The following DNAH8 variants were observed in gnomAD, a reference collection of about 807,000 sequenced individuals.
The protein encoded by DNAH8 is dynein axonemal heavy chain 8.
In DNAH8, 382 loss-of-function variants were observed where a neutral mutation model predicts 562.1. That is an observed-to-expected ratio of 0.68 (90% confidence interval 0.63 to 0.74). DNAH8 has a LOEUF of 0.74. DNAH8 is among the 30% of genes least tolerant of loss of function. DNAH8 has a pLI of 0.00. For missense variants in DNAH8, 5,203 were observed against 5,620.4 expected, an observed-to-expected ratio of 0.93 and a Z score of 2.37; for synonymous variants, 1,881 against 1,919.4, an observed-to-expected ratio of 0.98 and a Z score of 0.52.
In DNAH8 at chr6:38,883,435, C is replaced by T. The variant is rs905796336; in HGVS notation, c.8115C>T (p.Ala2705=). 1.2e-5 allele frequency: 19 copies of T among 1,610,372 alleles called. No homozygotes were observed. The highest frequency in any genetic ancestry group is 1.6e-5 in the Non-Finnish European group (19 of 1,178,490). ...QLSKSLNFSS[A]TEPMMFQRTI... ...CCAAAAGTCTAAACTTTTCATCTGC[C>T]ACAGAACCAATGATGTTTCAGGTGA... Residue 2705 remains alanine, a synonymous_variant, in exon 55 of 93, where the codon GCC becomes GCT. Coordinates refer to ENST00000327475, the MANE Select transcript of DNAH8 (RefSeq NM_001206927.2).
intron 82 of DNAH8, among the ~76,000 whole-genome samples, chr6:38,956,460 C>T (rs1338571441): frequency 1.3e-5 from 2 of 152,178 alleles, no homozygotes; most frequent in Non-Finnish European, 2.9e-5. Context: ...GAGACACACT[C>T]CCATCTGAAC....
At chr6:38,979,107 T>A (rs1435857374) in intron 85 of DNAH8, among the ~76,000 whole-genome samples, 1 of 152,222 alleles carries the variant, frequency 6.6e-6, no homozygotes, top group African/African-American at 2.4e-5. Flanking sequence ...GGATTTGTGT[T>A]CCTAGTTTTG....
intron 92 of DNAH8, 51 bp from the exon 93 acceptor site, chr6:39,030,054 A>G: frequency 6.8e-7 from 1 of 1,470,964 alleles, no homozygotes. Flanking sequence ...CTAATTTTGC[A>G]GCACCTAGTT....
At chr6:38,788,196 G>A (rs1583006790) in intron 18 of DNAH8, among the ~76,000 whole-genome samples, 1 of 151,208 alleles carries the variant, frequency 6.6e-6, no homozygotes, top group East Asian at 1.9e-4. Context: ...TCTGTTGCCA[G>A]GCTGGAGTGC....
intron 65 of DNAH8, among the ~76,000 whole-genome samples, chr6:38,910,515 G>A (rs1290451070): frequency 6.6e-6 from 1 of 152,000 alleles, no homozygotes; most frequent in African/African-American, 2.4e-5. Flanking sequence ...TTTTAGATAA[G>A]ATCTCCCAAA....
rs1413235112 is a variant in DNAH8, at chr6:38,814,156, T to G, written c.3333+27T>G. 8 of 1,258,304 alleles carry G rather than the reference T, an allele frequency of 6.4e-6. 1 individual carries two copies. The allele number at this position is 1,258,304 out of a possible 1,614,324, so 77.9% of individuals were successfully genotyped here. A position where few individuals can be genotyped will look rare whatever the true frequency, so the allele number is the denominator to read the frequency against. ...TAAGTATTATTAAATACACTGATAA[T>G]TTGATAAGGTGCTTAAGAAGTATAG... On this transcript the variant is annotated intron_variant, in intron 25 of 92. Transcript: ENST00000327475.
intron 91 of DNAH8, among the ~76,000 whole-genome samples, chr6:39,013,939 G>A (rs1265129502): frequency 6.6e-6 from 1 of 152,044 alleles, no homozygotes; most frequent in Non-Finnish European, 1.5e-5. Flanking sequence ...TTCTAGATCT[G>A]GATACTGGTT....
At chr6:38,883,173 C>A in intron 54 of DNAH8, 121 bp downstream of exon 54, 1 of 1,331,726 alleles carries the variant, frequency 7.5e-7, no homozygotes, top group Non-Finnish European at 1.0e-6. Context: ...TGTAATACAA[C>A]TGGGACTTAT....
rs561903158 is a variant in DNAH8, at chr6:38,737,175, G to A, written c.871G>A (p.Ala291Thr). ...PAVLATNNWG[A>T]LNQSKQGESE... ...TGTTCTTGCAACAAACAACTGGGGTGCTTTAAACCAGTCCAAGCAGGGAGA... is the reference window on the plus strand; with the variant it reads ...TGTTCTTGCAACAAACAACTGGGGTACTTTAAACCAGTCCAAGCAGGGAGA... Residue 291 changes from alanine to threonine, a missense_variant, in exon 6 of 93, where the codon GCT (alanine) becomes ACT (threonine). Physicochemically the swap from Ala to Thr is moderately conservative, Grantham distance 58. This residue lies in a region of DNAH8 where 556 missense variants were observed against 496.9 expected (regional missense o/e 1.12). Coordinates refer to ENST00000327475, the MANE Select transcript of DNAH8 (RefSeq NM_001206927.2). The A allele has an allele frequency of 3.8e-6, 6 of 1,573,120 alleles. No homozygotes were observed. In the South Asian group the frequency reaches 4.8e-5, roughly 13 times the overall value.
In DNAH8 at chr6:38,951,403, T is replaced by C; in HGVS notation, c.12334T>C (p.Leu4112=). The C allele has an allele frequency of 6.2e-7, 1 of 1,614,146 alleles. No individual in the cohort carries two copies. The highest frequency in any genetic ancestry group is 8.5e-7 in the Non-Finnish European group (1 of 1,179,990). ...GGAGAAGTACACAGAACCAGTTATC[T>C]TAAATCTGGAGAAAACTTGGGAAGA... The part of the protein sequence containing the change: ...LEEKYTEPVI[L]NLEKTWEESD... The change falls in exon 82 of 93, where the codon TTA becomes CTA. Residue 4112 remains leucine (L), a synonymous_variant. Coordinates refer to ENST00000327475, the MANE Select transcript of DNAH8 (RefSeq NM_001206927.2).
chr6:38,768,912 A>G (rs1767289699), intron 11 of DNAH8, among the ~76,000 whole-genome samples: 1 of 152,192 alleles, frequency 6.6e-6, no homozygotes, highest in Non-Finnish European at 1.5e-5. Context: ...TTTTGGGAAT[A>G]GGAGTCAGAA....
At chr6:38,958,646 CAAAAAAAA>C (rs35382684) in intron 82 of DNAH8, among the ~76,000 whole-genome samples, 3 of 58,890 alleles carry the variant, frequency 5.1e-5, no homozygotes, top group African/African-American at 1.4e-4. Context: ...AGTCTCCCAT[CAAAAAAAA>C]AAAAAAAAAA....
intron 62 of DNAH8, among the ~76,000 whole-genome samples, chr6:38,902,242 T>A (rs1463368285): frequency 6.6e-6 from 1 of 152,146 alleles, no homozygotes; most frequent in Non-Finnish European, 1.5e-5. Context: ...GTTAGCCAAT[T>A]CTTAGAGATT....
At chr6:38,717,896 A>G (rs1762464020) in intron 1 of DNAH8, among the ~76,000 whole-genome samples, 1 of 152,210 alleles carries the variant, frequency 6.6e-6, no homozygotes, top group Admixed American at 6.5e-5. Flanking sequence ...AAAATGCTGC[A>G]TATTAAACCT....
At position 38,894,719 on chromosome 6, in the gene DNAH8, CCTT is replaced by C. The variant is rs1209161941; in HGVS notation, c.8605_8607del (p.Ser2869del). 17 of 1,613,756 alleles carry C rather than the reference CCTT, an allele frequency of 1.1e-5. No individual in the cohort carries two copies. Among genetic ancestry groups the C allele is most frequent in the Non-Finnish European group, 1.4e-5 (17 of 1,179,820 alleles). ...TCTCTAGGTGAAGATGCTGCCAACT[CCTT>C]CTAAATTTCATTACATCTTCAATCT... On this transcript the variant is annotated inframe_deletion, in exon 59 of 93. Coordinates refer to ENST00000327475, the MANE Select transcript of DNAH8 (RefSeq NM_001206927.2).
At chr6:39,020,380 A>C (rs1766834869) in intron 91 of DNAH8, among the ~76,000 whole-genome samples, 1 of 152,164 alleles carries the variant, frequency 6.6e-6, no homozygotes, top group South Asian at 2.1e-4. Context: ...TTTACGGGGC[A>C]GTGGTTCTCA....
intron 28 of DNAH8, among the ~76,000 whole-genome samples, chr6:38,825,501 A>T (rs1281875856): frequency 6.6e-6 from 1 of 152,182 alleles, no homozygotes; most frequent in Non-Finnish European, 1.5e-5. Flanking sequence ...AGAATCAGGG[A>T]CAGTATAGGA....
intron 73 of DNAH8, among the ~76,000 whole-genome samples, chr6:38,925,488 G>A (rs116343987): frequency 0.013 from 1,958 of 151,900 alleles, 35 homozygotes; most frequent in Middle Eastern, 0.037. Context: ...GAACCACTGC[G>A]CCTGGCCCGG....
chr6:38,975,611 A>T (rs925684002), intron 85 of DNAH8, among the ~76,000 whole-genome samples: 1 of 152,174 alleles, frequency 6.6e-6, no homozygotes, highest in Admixed American at 6.5e-5. Flanking sequence ...CTGCCTCCCA[A>T]CACTGAGAAA....
Sources: gnomAD v4.1 joint callset for allele counts (sites outside exome capture counted in the v4.1 genomes callset) on GRCh38, gnomAD v4.1.1 for gene constraint, gnomAD v4.1.1 regional missense constraint, MANE v1.5 for transcripts, NCBI Gene and HGNC (gene_info 2026-07-23, HGNC 2026-07-21) for gene names.